The following WWOX variants were observed in gnomAD, a reference collection of about 807,000 sequenced individuals.
The protein encoded by WWOX is WW domain containing oxidoreductase.
WWOX carries 69 observed loss-of-function variants against 46.2 expected under a neutral mutation model. The observed-to-expected ratio is 1.49, with a 90% CI of 1.23 to 1.82. The LOEUF is 1.82. Among genes scored for constraint, WWOX ranks in the 40% most tolerant of loss-of-function variants. The pLI, the probability that WWOX is intolerant of heterozygous loss-of-function variation, is 0.00. For synonymous variants in WWOX, 359 were observed against 202.6 expected (o/e 1.77, Z -6.56); for missense variants, 919 against 542.6 (o/e 1.69, Z -6.89).
chr16:78,536,939 G>A (rs1216781228), intron 8 of WWOX, among the ~76,000 whole-genome samples: 1 of 143,408 alleles, frequency 7.0e-6, no homozygotes, highest in Non-Finnish European at 1.5e-5. Flanking sequence ...TTTTGAGAGA[G>A]AGAGTCTCAC....
At chr16:79,088,094 G>A (rs1325797763) in intron 8 of WWOX, among the ~76,000 whole-genome samples, 1 of 152,078 alleles carries the variant, frequency 6.6e-6, no homozygotes, top group Non-Finnish European at 1.5e-5. Context: ...AGCTCATCTG[G>A]TACTCTTGAC....
intron 8 of WWOX, among the ~76,000 whole-genome samples, chr16:78,543,635 C>G (rs961967630): frequency 2.0e-5 from 3 of 152,188 alleles, no homozygotes; most frequent in African/African-American, 4.8e-5. Context: ...GCCAAGGGCA[C>G]TTCTCAATAT....
At chr16:78,689,333 C>G (rs9935899) in intron 8 of WWOX, among the ~76,000 whole-genome samples, 36,445 of 152,144 alleles carry the variant, frequency 0.24, 4,640 homozygotes, top group African/African-American at 0.29. Context: ...TGCTCATGCT[C>G]TCTAAACACC....
At chr16:78,512,639 A>G (rs576066978) in intron 8 of WWOX, among the ~76,000 whole-genome samples, 5 of 152,184 alleles carry the variant, frequency 3.3e-5, no homozygotes, top group African/African-American at 1.2e-4. Flanking sequence ...AAAGGATGAG[A>G]AAGATTTCTG....
At chr16:78,557,746 A>G (rs2044339839) in intron 8 of WWOX, among the ~76,000 whole-genome samples, 1 of 126,416 alleles carries the variant, frequency 7.9e-6, no homozygotes, top group Non-Finnish European at 1.5e-5. Flanking sequence ...TCCAAGCTGG[A>G]GTGCAGTGGC....
At chr16:78,710,985 T>A (rs1257020918) in intron 8 of WWOX, among the ~76,000 whole-genome samples, 2 of 152,182 alleles carry the variant, frequency 1.3e-5, no homozygotes, top group Non-Finnish European at 2.9e-5. Context: ...TTTATTGAAA[T>A]CTGGACCACA....
At chr16:78,409,661 A>C (rs1387553272) in intron 6 of WWOX, among the ~76,000 whole-genome samples, 1 of 152,196 alleles carries the variant, frequency 6.6e-6, no homozygotes, top group Non-Finnish European at 1.5e-5. Flanking sequence ...ATTATCTGAC[A>C]GCTCTGTAGG....
intron 8 of WWOX, among the ~76,000 whole-genome samples, chr16:78,692,903 T>C (rs752725575): frequency 6.6e-6 from 1 of 152,212 alleles, no homozygotes; most frequent in Non-Finnish European, 1.5e-5. Context: ...TATTCTGTAA[T>C]AGAAGATATC....
chr16:78,232,739 CTT>C (rs1246408789), intron 5 of WWOX, among the ~76,000 whole-genome samples: 2 of 152,302 alleles, frequency 1.3e-5, no homozygotes, highest in Admixed American at 6.5e-5. Context: ...TGTAAAAACT[CTT>C]TGAAAAATGT....
chr16:78,411,272 C>G (rs141990998), intron 6 of WWOX, among the ~76,000 whole-genome samples: 28 of 152,210 alleles, frequency 1.8e-4, no homozygotes, highest in Middle Eastern at 6.8e-3. Flanking sequence ...GTTATTCTAT[C>G]CATTAGTAGT....
chr16:78,949,557 C>G (rs991356811), intron 8 of WWOX, among the ~76,000 whole-genome samples: 2 of 152,182 alleles, frequency 1.3e-5, no homozygotes, highest in Non-Finnish European at 1.5e-5. Context: ...TTGACCAACC[C>G]CAACACATAA....
intron 8 of WWOX, among the ~76,000 whole-genome samples, chr16:78,501,688 C>A (rs2085073403): frequency 6.6e-6 from 1 of 152,146 alleles, no homozygotes; most frequent in African/African-American, 2.4e-5. Context: ...AGGCATCCGC[C>A]ACCATGCTTG....
intron 8 of WWOX, among the ~76,000 whole-genome samples, chr16:78,948,397 G>A (rs1015431367): frequency 2.6e-5 from 4 of 152,148 alleles, no homozygotes; most frequent in Admixed American, 1.3e-4. Context: ...CTCAGAACTT[G>A]TATCTTTTCT....
At chr16:78,825,673 G>T (rs1567586563) in intron 8 of WWOX, 1 of 527,780 alleles carries the variant, frequency 1.9e-6, no homozygotes, top group Admixed American at 2.3e-5. Context: ...GGGGCCATAG[G>T]CTGCCAAGCT....
At chr16:78,243,624 G>C (rs1316519671) in intron 5 of WWOX, among the ~76,000 whole-genome samples, 1 of 152,104 alleles carries the variant, frequency 6.6e-6, no homozygotes, top group East Asian at 1.9e-4. Context: ...TTGGCTCACT[G>C]CAACCTCCAC....
chr16:78,412,365 A>G (rs931349453), intron 6 of WWOX, among the ~76,000 whole-genome samples: 1 of 152,186 alleles, frequency 6.6e-6, no homozygotes, highest in Non-Finnish European at 1.5e-5. Context: ...ATCCAGGAAG[A>G]TAAGACTGAC....
intron 5 of WWOX, among the ~76,000 whole-genome samples, chr16:78,210,366 G>C (rs2036521690): frequency 6.6e-6 from 1 of 152,184 alleles, no homozygotes; most frequent in African/African-American, 2.4e-5. Flanking sequence ...GAGACTGTCA[G>C]TTTGCTTTGG....
intron 8 of WWOX, among the ~76,000 whole-genome samples, chr16:78,875,288 G>C (rs957284047): frequency 6.6e-6 from 1 of 152,122 alleles, no homozygotes; most frequent in Non-Finnish European, 1.5e-5. Flanking sequence ...ATAGGTTTCT[G>C]TTAAAAACCC....
chr16:78,302,784 A>C (rs2080063669), intron 5 of WWOX, among the ~76,000 whole-genome samples: 2 of 152,202 alleles, frequency 1.3e-5, no homozygotes, highest in Non-Finnish European at 2.9e-5. Context: ...GTTACTTGGC[A>C]TATCTCTTGG....
Sources: gnomAD v4.1 joint callset for allele counts (sites outside exome capture counted in the v4.1 genomes callset) on GRCh38, gnomAD v4.1.1 for gene constraint, MANE v1.5 for transcripts, NCBI Gene and HGNC (gene_info 2026-07-23, HGNC 2026-07-21) for gene names.